Variants in ZNF875 observed in about 807,000 individuals in gnomAD.
ZNF875 encodes the protein zinc finger protein 875.
In ZNF875, 14 loss-of-function variants were observed where a neutral mutation model predicts 11.2. The observed-to-expected ratio is 1.26, with a 90% CI of 0.83 to 1.96. ZNF875 has a LOEUF of 1.96. Among genes scored for constraint, ZNF875 ranks in the 30% most tolerant of loss-of-function variants. ZNF875 has a pLI of 0.00. For missense variants in ZNF875, 752 were observed against 760.4 expected (o/e 0.99, Z 0.13); for synonymous variants, 301 against 281.1 (o/e 1.07, Z -0.71).
At chr19:37,334,264 G>T (rs941806995), upstream of ZNF875, among the ~76,000 whole-genome samples, 3 of 152,192 alleles carry the variant, frequency 2.0e-5, no homozygotes, top group African/African-American at 7.2e-5. Context: ...CGTCTGTCCC[G>T]ACCTGGCACC....
chr19:37,361,213 C>A (rs533900423), intron 4 of ZNF875, among the ~76,000 whole-genome samples: 1 of 150,332 alleles, frequency 6.7e-6, no homozygotes, highest in South Asian at 2.1e-4. Flanking sequence ...GGGGTTCAAG[C>A]GATTCTCCTG....
intron 4 of ZNF875, among the ~76,000 whole-genome samples, chr19:37,327,592 A>G (rs893136801): frequency 9.3e-5 from 14 of 150,842 alleles, no homozygotes. Context: ...ACATGGCAAA[A>G]CCCCGTCTCT....
chr19:37,328,375 C>T (rs2032861372), intron 4 of ZNF875, among the ~76,000 whole-genome samples: 1 of 152,180 alleles, frequency 6.6e-6, no homozygotes, highest in East Asian at 1.9e-4. Context: ...AAACTCAACC[C>T]CTAATGCAAC....
intron 4 of ZNF875, among the ~76,000 whole-genome samples, chr19:37,356,426 G>C (rs1278394108): frequency 6.6e-6 from 1 of 151,978 alleles, no homozygotes; most frequent in African/African-American, 2.4e-5. Context: ...ACTAACATCT[G>C]TTTTTTTGTT....
At chr19:37,361,956 G>A (rs1600234221) in intron 4 of ZNF875, 153 bp from the exon 5 acceptor site, 1 of 612,422 alleles carries the variant, frequency 1.6e-6, no homozygotes, top group South Asian at 2.0e-5. Context: ...AATGCATGAA[G>A]TGAAATGAAA....
exon 4 of ZNF875, chr19:37,324,215 C>T (rs2145719776): frequency 6.6e-6 from 1 of 152,320 alleles, no homozygotes; most frequent in East Asian, 1.9e-4. Context: ...TAGAGCTGCG[C>T]CTGGAACCCG....
At chr19:37,324,007 G>T (rs887368002) in intron 3 of ZNF875, among the ~76,000 whole-genome samples, 2 of 152,216 alleles carry the variant, frequency 1.3e-5, no homozygotes, top group African/African-American at 4.8e-5. Context: ...CTCATGTCAT[G>T]GTGATTAGAG....
At position 37,347,912 on chromosome 19, in the gene ZNF875, T is replaced by C. The variant is rs2146291304; in HGVS notation, c.256+40T>C. ...TGGGGTAGACGGGATAATCCACAGCTTGGCAGATAGGAAGGAGGAGGCATC... is the reference window on the plus strand; with the variant it reads ...TGGGGTAGACGGGATAATCCACAGCCTGGCAGATAGGAAGGAGGAGGCATC... On this transcript the variant is annotated intron_variant, in intron 4 of 4. Transcript: ENST00000392153. 5 of 1,190,756 alleles carry C rather than the reference T, an allele frequency of 4.2e-6. No individual in the cohort carries two copies. The East Asian group carries it at 1.2e-4, about 28-fold the overall frequency. The allele number at this position is 1,190,756 out of a possible 1,614,324, so 73.8% of individuals were successfully genotyped here. A position where few individuals can be genotyped will look rare whatever the true frequency, so the allele number is the denominator to read the frequency against.
At position 37,362,524 on chromosome 19, in the gene ZNF875, A is replaced by T. The variant is rs146265235; in HGVS notation, c.672A>T (p.Gly224=). ...ATGGTTTAGAAGTCTCAGGATTTGG[A>T]GAAATCAAATATGAAGAGTTTGGGC... The part of the protein sequence containing the change: ...VLHGLEVSGF[G]EIKYEEFGPG... The change falls in exon 5 of 5, where the codon GGA becomes GGT. Residue 224 remains glycine, a synonymous_variant. Transcript: ENST00000392153. 1.2e-6 allele frequency: 2 copies of T among 1,614,242 alleles called. No individual in the cohort carries two copies. The highest frequency in any genetic ancestry group is 1.7e-6 in the Non-Finnish European group (2 of 1,180,048).
At chr19:37,329,887 A>G (rs2033114482), upstream of ZNF875, among the ~76,000 whole-genome samples, 1 of 152,076 alleles carries the variant, frequency 6.6e-6, no homozygotes, top group African/African-American at 2.4e-5. Context: ...TCCTGTGGCT[A>G]TAGGTGATAA....
intron 1 of ZNF875, among the ~76,000 whole-genome samples, chr19:37,319,999 G>A (rs2031056085): frequency 6.6e-6 from 1 of 152,142 alleles, no homozygotes; most frequent in African/African-American, 2.4e-5. Context: ...CCATTCTCCT[G>A]CCTCAGCCTC....
At position 37,362,972 on chromosome 19, in the gene ZNF875, G is replaced by A; in HGVS notation, c.1120G>A (p.Gly374Ser). 2.5e-6 allele frequency: 4 copies of A among 1,614,048 alleles called. No individual in the cohort carries two copies. The highest frequency in any genetic ancestry group is 3.4e-6 in the Non-Finnish European group (4 of 1,180,018). Residue 374 changes from glycine to serine, a missense_variant, in exon 5 of 5, where the codon GGC becomes AGC. By Grantham distance (56) the Gly-to-Ser change is moderately conservative. Transcript: ENST00000392153. Reference sequence around the variant, plus strand: ...TTATGTTTGCAGGGAATGTGGGCGTGGCTTTCGCCAGCATTCACACCTGGT... The same window carrying A: ...TTATGTTTGCAGGGAATGTGGGCGTAGCTTTCGCCAGCATTCACACCTGGT... Reference protein sequence around the residue: ...KPYVCRECGRGFRQHSHLVRH... With the variant: ...KPYVCRECGRSFRQHSHLVRH...
intron 2 of ZNF875, among the ~76,000 whole-genome samples, chr19:37,323,295 A>G (rs2031845816): frequency 6.6e-6 from 1 of 151,912 alleles, no homozygotes; most frequent in African/African-American, 2.4e-5. Context: ...CTGGGATTAC[A>G]GGTGCCCACC....
chr19:37,363,076 C>A lies in ZNF875; in HGVS notation c.1224C>A (p.His408Gln). 1 of 1,614,026 alleles carries A rather than the reference C, an allele frequency of 6.2e-7. No individual in the cohort carries two copies. The highest frequency in any genetic ancestry group is 8.5e-7 in the Non-Finnish European group (1 of 1,180,000). Reference sequence around the variant, plus strand: ...AGCAAGGCTTTAGCCAGAAGTCACACCTCATCAGACACTTAAGGACACACA... The same window carrying A: ...AGCAAGGCTTTAGCCAGAAGTCACAACTCATCAGACACTTAAGGACACACA... Reference protein sequence around the residue: ...ECEQGFSQKSHLIRHLRTHTG... With the variant: ...ECEQGFSQKSQLIRHLRTHTG... Residue 408 changes from histidine to glutamine, a missense_variant, in exon 5 of 5, where the codon CAC becomes CAA. Transcript: ENST00000392153.
chr19:37,313,697 A>G (rs572041644), upstream of ZNF875, among the ~76,000 whole-genome samples: 1 of 152,226 alleles, frequency 6.6e-6, no homozygotes, highest in Admixed American at 6.5e-5. Context: ...ACCTATTGAT[A>G]AGAGAATACA....
upstream of ZNF875, among the ~76,000 whole-genome samples, chr19:37,330,791 C>T (rs935926912): frequency 6.6e-6 from 1 of 152,174 alleles, no homozygotes. Context: ...TCCCACCACA[C>T]CACCCTCTGT....
upstream of ZNF875, among the ~76,000 whole-genome samples, chr19:37,313,692 T>A (rs1245096262): frequency 6.6e-6 from 1 of 152,130 alleles, no homozygotes; most frequent in Non-Finnish European, 1.5e-5. Flanking sequence ...CACAGACCTA[T>A]TGATAAGAGA....
chr19:37,324,381 C>T (rs2032051572), intron 4 of ZNF875: 1 of 152,066 alleles, frequency 6.6e-6, no homozygotes, highest in South Asian at 2.1e-4. Flanking sequence ...ATAAAATGAC[C>T]CATCTGTAGA....
chr19:37,318,071 G>A (rs1381573794), exon 1 of ZNF875: 1 of 155,354 alleles, frequency 6.4e-6, no homozygotes, highest in Non-Finnish European at 1.4e-5. Context: ...GCCACGGCGG[G>A]AACTAGGACT....
Sources: allele counts gnomAD v4.1 joint callset (sites outside exome capture counted in the v4.1 genomes callset), GRCh38; gene constraint gnomAD v4.1.1; transcripts MANE v1.5; gene names NCBI Gene and HGNC (gene_info 2026-07-23, HGNC 2026-07-21).